The following LRRC4B variants were observed in gnomAD, a reference collection of about 807,000 sequenced individuals.
The protein encoded by LRRC4B is leucine-rich repeat-containing protein 4B.
LRRC4B carries 1 observed loss-of-function variant against 7.3 expected under a neutral mutation model. The observed-to-expected ratio is 0.14, with a 90% confidence interval of 0.05 to 0.65. LRRC4B has a LOEUF of 0.65. Among genes scored for constraint, LRRC4B ranks in the 30% least tolerant of loss-of-function variants. LRRC4B has a pLI of 0.84. For missense variants in LRRC4B, 730 were observed against 1,041.6 expected (o/e 0.70, Z 4.12); for synonymous variants, 500 against 499.2 (o/e 1.00, Z -0.02).
At chr19:50,551,943 C>A (rs373624974) in intron 1 of LRRC4B, among the ~76,000 whole-genome samples, 5 of 151,828 alleles carry the variant, frequency 3.3e-5, no homozygotes, top group East Asian at 3.9e-4. Context: ...CCCTTCCCTG[C>A]GCCGCCTGGG....
At position 50,517,351 on chromosome 19, in the gene LRRC4B, G is replaced by T; in HGVS notation, c.*220C>A. 12 of 388,984 alleles carry T rather than the reference G, an allele frequency of 3.1e-5. No individual in the cohort carries two copies. The East Asian group carries it at 4.5e-4, about 14-fold the overall frequency. 24.1% of individuals were successfully genotyped at this position (388,984 alleles called of 1,614,324 possible). Reference sequence around the variant, plus strand: ...CCCTCCCGTCACCGGGGATTGGCGGGGGTGAGGCGAGGATCCCAGAGACTC... The same window carrying T: ...CCCTCCCGTCACCGGGGATTGGCGGTGGTGAGGCGAGGATCCCAGAGACTC... On this transcript the variant is annotated 3_prime_UTR_variant, in exon 3 of 3. Transcript: ENST00000652263. The surrounding 1 kb of genome is among the most constrained non-coding windows in gnomAD (Gnocchi z 6.6).
At chr19:50,545,976 A>T (rs951124913) in intron 2 of LRRC4B, among the ~76,000 whole-genome samples, 8 of 151,660 alleles carry the variant, frequency 5.3e-5, no homozygotes, top group Non-Finnish European at 1.0e-4. Flanking sequence ...CACCTGCCTC[A>T]GTCTCCCAAA....
In LRRC4B at chr19:50,517,919, C is replaced by T; in HGVS notation, c.1794G>A (p.Lys598=). ...MAAVMLVAFY[K]LRKQHQLHKH... ...TGTGGAGCTGGTGCTGCTTGCGCAGCTTGTAGAAGGCCACGAGCATCACCG... is the reference window on the plus strand; with the variant it reads ...TGTGGAGCTGGTGCTGCTTGCGCAGTTTGTAGAAGGCCACGAGCATCACCG... Residue 598 remains lysine, a synonymous_variant, in exon 3 of 3, where the codon AAG becomes AAA. Coordinates refer to ENST00000652263, the MANE Select transcript of LRRC4B (RefSeq NM_001080457.2). The surrounding 1 kb of genome is among the most constrained non-coding windows in gnomAD (Gnocchi z 6.6). The T allele has an allele frequency of 6.3e-7, 1 of 1,575,704 alleles. No homozygotes were observed. Among genetic ancestry groups the T allele is most frequent in the Non-Finnish European group, 8.6e-7 (1 of 1,166,460 alleles).
rs1375095687 is a variant in LRRC4B at position 50,518,283 on chromosome 19, ACAC to A, written c.1427_1429del (p.Gly476del). On this transcript the variant is annotated inframe_deletion, in exon 3 of 3. Coordinates refer to ENST00000652263, the MANE Select transcript of LRRC4B (RefSeq NM_001080457.2). ...GGTGTAGCCGCCACTGCCCCCTCCA[ACAC>A]CACCACTGCCCCCAGGGCCGCCCCC... The A allele has an allele frequency of 9.4e-6, 15 of 1,598,486 alleles. No individual in the cohort carries two copies. Among genetic ancestry groups the A allele is most frequent in the Non-Finnish European group, 1.3e-5 (15 of 1,173,288 alleles).
Position 50,567,308 on chromosome 19 carries a change from G to A in LRRC4B, c.-36+636C>T, listed in dbSNP as rs187412433. On this transcript the variant is annotated intron_variant, in intron 1 of 2. Transcript: ENST00000652263. ...CAGGGGTCCGAGCCGCCCACCAGGA[G>A]AGGCGGGGTGACCCCAGAGGGAGAA... 6.1e-3 allele frequency among the ~76,000 whole-genome samples: 933 copies of A among 151,934 alleles called. 6 individuals are homozygous for A. The highest frequency in any genetic ancestry group is 0.021 in the African/African-American group (882 of 41,404).
chr19:50,533,692 T>G (rs73591026), intron 2 of LRRC4B, among the ~76,000 whole-genome samples: 6,000 of 152,330 alleles, frequency 0.039, 390 homozygotes, highest in African/African-American at 0.14. Context: ...AATCATAATT[T>G]GTTAACTGCC....
chr19:50,517,963 C>T lies in LRRC4B; in HGVS notation c.1750G>A (p.Ala584Thr). 6.5e-7 allele frequency: 1 copy of T among 1,545,806 alleles called. No individual in the cohort carries two copies. The highest frequency in any genetic ancestry group is 8.7e-7 in the Non-Finnish European group (1 of 1,150,758). ...ATCACCGCGGCCATGAACGTGATGG[C>T]CACGAAGCAGCCGATGATGATTTTG... Reference protein sequence around the residue: ...TTKIIIGCFVAITFMAAVMLV... With the variant: ...TTKIIIGCFVTITFMAAVMLV... The change falls in exon 3 of 3, where the codon GCC becomes ACC. Residue 584 changes from alanine (A) to threonine (T), a missense_variant. By Grantham distance (58) the Ala-to-Thr change is moderately conservative. Transcript: ENST00000652263. The surrounding 1 kb of genome is among the most constrained non-coding windows in gnomAD (Gnocchi z 6.6).
chr19:50,529,330 C>T (rs945076711), intron 2 of LRRC4B, among the ~76,000 whole-genome samples: 5 of 152,144 alleles, frequency 3.3e-5, no homozygotes, highest in African/African-American at 1.2e-4. Flanking sequence ...ACATAATACA[C>T]ATGGGGCCCT....
intron 2 of LRRC4B, among the ~76,000 whole-genome samples, chr19:50,523,832 G>A (rs958943839): frequency 1.3e-5 from 2 of 151,716 alleles, no homozygotes; most frequent in Admixed American, 6.6e-5. Flanking sequence ...GGTGGCAGGT[G>A]CCTGTAATCC....
chr19:50,567,272 A>T (rs1009070782), intron 1 of LRRC4B, among the ~76,000 whole-genome samples: 2 of 150,920 alleles, frequency 1.3e-5, no homozygotes, highest in Non-Finnish European at 3.0e-5. Context: ...GGTCTTGGAG[A>T]GACGGAGGGG....
intron 2 of LRRC4B, among the ~76,000 whole-genome samples, chr19:50,536,824 C>CT (rs550673432): frequency 1.2e-4 from 19 of 152,228 alleles, no homozygotes; most frequent in Non-Finnish European, 1.6e-4. Context: ...AAGGAAGGGG[C>CT]TGGGGTAGCT....
intron 2 of LRRC4B, among the ~76,000 whole-genome samples, chr19:50,546,981 G>GA (rs1165957593): frequency 1.3e-5 from 2 of 152,254 alleles, no homozygotes; most frequent in Non-Finnish European, 2.9e-5. Context: ...CACCACCCAG[G>GA]ACAGGGCTTG....
intron 2 of LRRC4B, among the ~76,000 whole-genome samples, chr19:50,534,954 T>C (rs534361936): frequency 1.1e-3 from 169 of 151,926 alleles, no homozygotes; most frequent in Non-Finnish European, 1.8e-3. Flanking sequence ...CTGCAACCTC[T>C]GCCTCCCGGG....
intron 1 of LRRC4B, chr19:50,551,074 T>TC: frequency 7.2e-6 from 1 of 137,946 alleles, no homozygotes; most frequent in South Asian, 2.4e-4. Flanking sequence ...CCAGCCCGCA[T>TC]CCCCCCACCC....
At position 50,522,586 on chromosome 19, in the gene LRRC4B, C is replaced by A. The variant is rs911463319; in HGVS notation, c.298-3171G>T. On this transcript the variant is annotated intron_variant, in intron 2 of 2. Coordinates refer to ENST00000652263, the MANE Select transcript of LRRC4B (RefSeq NM_001080457.2). ...CTGCCTGCCGGGTTCAAGTGATTCT[C>A]CTGCCTCAGCCTCACAAGTAGCTGG... Among the ~76,000 whole-genome samples, 3 of 152,136 alleles carry A rather than the reference C, an allele frequency of 2.0e-5. No homozygotes were observed. The East Asian group carries it at 5.8e-4, about 29-fold the overall frequency.
chr19:50,564,467 C>T (rs1013175359), intron 1 of LRRC4B, among the ~76,000 whole-genome samples: 1 of 151,710 alleles, frequency 6.6e-6, no homozygotes, highest in African/African-American at 2.4e-5. Context: ...AGAAGGGAGG[C>T]ACAGAGAGCG....
intron 2 of LRRC4B, among the ~76,000 whole-genome samples, chr19:50,524,954 C>A (rs533136913): frequency 6.6e-6 from 1 of 152,284 alleles, no homozygotes; most frequent in East Asian, 1.9e-4. Context: ...GTGATCGCCC[C>A]GTTTTAGAAA....
chr19:50,549,039 G>A (rs1041461154), intron 1 of LRRC4B, among the ~76,000 whole-genome samples, 166 bp from the exon 2 acceptor site: 1 of 152,126 alleles, frequency 6.6e-6, no homozygotes, highest in Non-Finnish European at 1.5e-5. Context: ...CCAGCAGGCT[G>A]GGGCAGGCAG....
chr19:50,542,715 G>A (rs1247738090), intron 2 of LRRC4B, among the ~76,000 whole-genome samples: 2 of 152,026 alleles, frequency 1.3e-5, no homozygotes, highest in Admixed American at 1.3e-4. Context: ...AACCTCAGGT[G>A]ATCTGCCTGC....
Sources: allele counts gnomAD v4.1 joint callset (sites outside exome capture counted in the v4.1 genomes callset), GRCh38; gene constraint gnomAD v4.1.1; non-coding constraint Gnocchi (gnomAD v3.1); transcripts MANE v1.5; gene names NCBI Gene and HGNC (gene_info 2026-07-23, HGNC 2026-07-21).